The following TAB2 variants were observed in gnomAD, a reference collection of about 807,000 sequenced individuals.
The protein encoded by TAB2 is TGF-beta-activated kinase 1 and MAP3K7-binding protein 2.
TAB2 carries 3 observed loss-of-function variants against 65.0 expected under a neutral mutation model. The ratio of observed to expected loss-of-function variants is 0.05; its 90% confidence interval spans 0.02 to 0.12. TAB2 has a LOEUF of 0.12. Among genes scored for constraint, TAB2 ranks in the 10% least tolerant of loss-of-function variants. The pLI is 1.00. For synonymous variants in TAB2, 298 were observed against 285.1 expected (o/e 1.05, Z -0.46); for missense variants, 623 against 840.3 (o/e 0.74, Z 3.20).
chr6:149,375,921 C>A (rs1029997244), intron 2 of TAB2, among the ~76,000 whole-genome samples: 39 of 152,192 alleles, frequency 2.6e-4, no homozygotes, highest in African/African-American at 9.1e-4. Context: ...TTTTATATTA[C>A]CTGTTGAAAC....
intron 1 of TAB2, among the ~76,000 whole-genome samples, chr6:149,345,507 T>A (rs558641743): frequency 1.3e-5 from 2 of 152,128 alleles, no homozygotes; most frequent in East Asian, 3.9e-4. Context: ...ATACAAGTAA[T>A]ATTATAGAGA....
chr6:149,286,087 G>A (rs117614130), intron 1 of TAB2, among the ~76,000 whole-genome samples: 53 of 151,750 alleles, frequency 3.5e-4, no homozygotes, highest in Non-Finnish European at 7.1e-4. Flanking sequence ...TTAAAAATGA[G>A]GTATACACTA....
chr6:149,299,644 C>T (rs1394338070), intron 1 of TAB2, among the ~76,000 whole-genome samples: 1 of 152,114 alleles, frequency 6.6e-6, no homozygotes, highest in African/African-American at 2.4e-5. Context: ...TAAATTAGGG[C>T]AAACCTATTC....
chr6:149,276,209 T>C (rs1778470873), intron 1 of TAB2, among the ~76,000 whole-genome samples: 1 of 152,210 alleles, frequency 6.6e-6, no homozygotes, highest in South Asian at 2.1e-4. Flanking sequence ...GCTCTTGGGT[T>C]TATTTTAAGC....
chr6:149,228,387 G>C (rs1165916285), intron 1 of TAB2, among the ~76,000 whole-genome samples: 2 of 152,290 alleles, frequency 1.3e-5, no homozygotes, highest in African/African-American at 4.8e-5. Flanking sequence ...GGACTCTGGG[G>C]AGGCAGATTG....
chr6:149,302,881 C>T (rs1273127764), intron 1 of TAB2, among the ~76,000 whole-genome samples: 8 of 152,234 alleles, frequency 5.3e-5, no homozygotes, highest in African/African-American at 1.9e-4. Flanking sequence ...AGGAAGTGAG[C>T]AGCAGGTGAG....
chr6:149,341,888 C>A (rs1434333177), intron 1 of TAB2, among the ~76,000 whole-genome samples: 2 of 151,914 alleles, frequency 1.3e-5, no homozygotes, highest in African/African-American at 4.8e-5. Context: ...AGGGAAATGC[C>A]TAAGGGTACC....
At chr6:149,259,483 T>A (rs1778109080) in intron 1 of TAB2, among the ~76,000 whole-genome samples, 1 of 152,140 alleles carries the variant, frequency 6.6e-6, no homozygotes, top group Non-Finnish European at 1.5e-5. Context: ...TCCCAACTCT[T>A]CTGTCAGAAT....
intron 1 of TAB2, chr6:149,318,520 G>C (rs1462598202): frequency 6.6e-6 from 1 of 152,288 alleles, no homozygotes; most frequent in Non-Finnish European, 1.5e-5. Context: ...GCGGGAGGGA[G>C]AACATCGTTC....
At chr6:149,274,859 T>A (rs553028293) in intron 1 of TAB2, among the ~76,000 whole-genome samples, 2 of 152,200 alleles carry the variant, frequency 1.3e-5, no homozygotes, top group South Asian at 4.1e-4. Flanking sequence ...GAAGACCACA[T>A]GGGCTACGAC....
At chr6:149,289,750 A>G (rs897521237) in intron 1 of TAB2, among the ~76,000 whole-genome samples, 11 of 152,234 alleles carry the variant, frequency 7.2e-5, no homozygotes, top group Non-Finnish European at 1.5e-4. Flanking sequence ...AACTCTCAGG[A>G]GGGCCTGAGA....
chr6:149,288,007 G>A (rs532834170), intron 1 of TAB2, among the ~76,000 whole-genome samples: 2 of 152,054 alleles, frequency 1.3e-5, no homozygotes, highest in South Asian at 2.1e-4. Context: ...ATTAAATTAC[G>A]CTTATGATTT....
At chr6:149,282,058 C>T (rs7738419) in intron 1 of TAB2, among the ~76,000 whole-genome samples, 1 of 152,042 alleles carries the variant, frequency 6.6e-6, no homozygotes, top group East Asian at 1.9e-4. Context: ...CCCAGCTACT[C>T]GGGAGGCTGA....
At chr6:149,350,595 C>T (rs1281056587) in intron 1 of TAB2, among the ~76,000 whole-genome samples, 2 of 141,250 alleles carry the variant, frequency 1.4e-5, no homozygotes, top group Non-Finnish European at 3.1e-5. Flanking sequence ...GTTTGATATT[C>T]GGCATGAACC....
intron 1 of TAB2, among the ~76,000 whole-genome samples, chr6:149,331,598 G>T (rs1779787395): frequency 6.6e-6 from 1 of 152,072 alleles, no homozygotes; most frequent in South Asian, 2.1e-4. Context: ...GAGCTGACAA[G>T]CTTGTTTCTG....
intron 1 of TAB2, among the ~76,000 whole-genome samples, chr6:149,249,362 A>G (rs910188559): frequency 6.6e-6 from 1 of 152,110 alleles, no homozygotes; most frequent in African/African-American, 2.4e-5. Flanking sequence ...ATCAGGACCT[A>G]CAAATCTAGG....
intron 1 of TAB2, among the ~76,000 whole-genome samples, chr6:149,359,397 A>C (rs1244193182): frequency 6.6e-6 from 1 of 152,120 alleles, no homozygotes; most frequent in African/African-American, 2.4e-5. Flanking sequence ...ACACCTGTGC[A>C]TGGTGCGGGC....
chr6:149,240,471 G>A (rs1016654870), intron 1 of TAB2, among the ~76,000 whole-genome samples: 2 of 152,188 alleles, frequency 1.3e-5, no homozygotes, highest in Admixed American at 1.3e-4. Context: ...GATGCCTTCG[G>A]GAGAGTTTCT....
chr6:149,382,771 CA>C (rs2114900575), intron 3 of TAB2, among the ~76,000 whole-genome samples: 1 of 151,912 alleles, frequency 6.6e-6, no homozygotes, highest in South Asian at 2.1e-4. Flanking sequence ...ACATGTGCCT[CA>C]ATTTGAGAGG....
Sources: gnomAD v4.1 joint callset for allele counts (sites outside exome capture counted in the v4.1 genomes callset) on GRCh38, gnomAD v4.1.1 for gene constraint, MANE v1.5 for transcripts, NCBI Gene and HGNC (gene_info 2026-07-23, HGNC 2026-07-21) for gene names.